The following ZNF705B variants were observed in gnomAD, a reference collection of about 807,000 sequenced individuals.
The protein encoded by ZNF705B is zinc finger protein 705B.
A neutral mutation model predicts 10.5 loss-of-function variants in ZNF705B; 1 was observed. The observed-to-expected ratio is 0.10, with a 90% confidence interval of 0.03 to 0.45. The LOEUF (loss-of-function observed/expected upper bound fraction) is 0.45. Ranked by LOEUF, ZNF705B falls within the 20% of genes least tolerant of loss-of-function variation. The pLI, the probability that ZNF705B is intolerant of heterozygous loss-of-function variation, is 0.97. For synonymous variants in ZNF705B, 4 were observed against 25.4 expected, an observed-to-expected ratio of 0.16 and a Z score of 2.53; for missense variants, 14 against 84.0, an observed-to-expected ratio of 0.17 and a Z score of 3.26.
At chr8:7,934,721 T>TGTGTG (rs1211087723) in intron 2 of ZNF705B, 88 of 108,760 alleles carry the variant, frequency 8.1e-4, no homozygotes, top group South Asian at 3.2e-3. Context: ...TGTGTGTGTG[T>TGTGTG]TATTTGATTT....
chr8:7,927,351 G>C (rs576141684), intron 1 of ZNF705B, among the ~76,000 whole-genome samples: 5 of 121,114 alleles, frequency 4.1e-5, no homozygotes, highest in African/African-American at 1.0e-4. Context: ...GTGATTTCAG[G>C]TATCCAGAAG....
chr8:7,932,709 G>A (rs1420590206), intron 2 of ZNF705B, among the ~76,000 whole-genome samples: 1 of 119,670 alleles, frequency 8.4e-6, no homozygotes, highest in Non-Finnish European at 2.0e-5. Flanking sequence ...ATTTCGAGTA[G>A]TCCATGTGAC....
intron 1 of ZNF705B, among the ~76,000 whole-genome samples, chr8:7,928,908 A>T (rs1819769428): frequency 1.9e-5 from 2 of 107,638 alleles, no homozygotes; most frequent in Admixed American, 2.4e-4. Flanking sequence ...GAGTACAAAA[A>T]GGAATACAGA....
chr8:7,927,381 T>A (rs1159841042), intron 1 of ZNF705B, among the ~76,000 whole-genome samples: 1 of 121,406 alleles, frequency 8.2e-6, no homozygotes, highest in East Asian at 2.3e-4. Context: ...AAGTTCCTCT[T>A]ACAGGTTAGG....
intron 1 of ZNF705B, among the ~76,000 whole-genome samples, chr8:7,928,008 T>C (rs1158023228): frequency 2.2e-5 from 3 of 135,394 alleles, no homozygotes; most frequent in Non-Finnish European, 3.4e-5. Flanking sequence ...TGGGATGCTA[T>C]TAAAAAGTAA....
chr8:7,931,814 G>A (rs1267639074), intron 2 of ZNF705B, among the ~76,000 whole-genome samples: 1 of 130,378 alleles, frequency 7.7e-6, no homozygotes, highest in Non-Finnish European at 1.8e-5. Context: ...CCTAGTGAAT[G>A]GCACTGCCAG....
rs1483447423 is a variant in ZNF705B, at chr8:7,930,267, G to C, written c.-221-20G>C. The C allele has an allele frequency of 1.8e-5, 2 of 110,366 alleles. No individual in the cohort carries two copies. The highest frequency in any genetic ancestry group is 4.3e-5 in the Non-Finnish European group (2 of 46,478). 6.8% of individuals were successfully genotyped at this position (110,366 alleles called of 1,614,324 possible). A position where few individuals can be genotyped will look rare whatever the true frequency, so the allele number is the denominator to read the frequency against. ...CTATTCCTGTGTTAGTTTCCCAGCT[G>C]AATTCAAACTCATTCCCAGATCACT... On this transcript the variant is annotated intron_variant, in intron 1 of 6. Coordinates refer to ENST00000400120, the MANE Select transcript of ZNF705B (RefSeq NM_001193630.1).
At chr8:7,931,131 G>A (rs1289527234) in intron 2 of ZNF705B, among the ~76,000 whole-genome samples, 1 of 121,214 alleles carries the variant, frequency 8.2e-6, no homozygotes, top group African/African-American at 2.5e-5. Context: ...AGGATTACAG[G>A]TGTGAGTCAG....
rs1264945184 is a variant in ZNF705B at position 7,936,774 on chromosome 8, C to T, written c.-72+6338C>T. Among the ~76,000 whole-genome samples the T allele has an allele frequency of 3.6e-4, 43 of 120,196 alleles. 4 individuals are homozygous for T. The highest frequency in any genetic ancestry group is 7.5e-4 in the Non-Finnish European group (38 of 50,440). The allele number at this position is 120,196 out of a possible 152,430, so 78.9% of individuals were successfully genotyped here. A position where few individuals can be genotyped will look rare whatever the true frequency, so the allele number is the denominator to read the frequency against. ...AAAGCTACTCTTTGGGTACACCCTA[C>T]CTGTGTGACAGAGTTATTCATACCC... On this transcript the variant is annotated intron_variant, in intron 2 of 6. Transcript: ENST00000400120.
intron 2 of ZNF705B, among the ~76,000 whole-genome samples, chr8:7,931,801 C>G (rs2128942018): frequency 7.6e-6 from 1 of 131,034 alleles, no homozygotes; most frequent in East Asian, 2.3e-4. Flanking sequence ...TGGGGGCAGC[C>G]TCCCTAGTGA....
At chr8:7,935,863 C>T (rs2698894) in intron 2 of ZNF705B, among the ~76,000 whole-genome samples, 10,710 of 61,346 alleles carry the variant, frequency 0.17, 735 homozygotes, top group Middle Eastern at 0.44. Flanking sequence ...TCAGCTATTA[C>T]GTATAGTAGT....
chr8:7,941,403 C>T (rs1398338486), intron 2 of ZNF705B, among the ~76,000 whole-genome samples: 1 of 100,746 alleles, frequency 9.9e-6, no homozygotes, highest in African/African-American at 2.9e-5. Flanking sequence ...CTGAAATGGA[C>T]ATAGTAATTT....
At position 7,940,343 on chromosome 8, in the gene ZNF705B, G is replaced by C. The variant is rs868823582; in HGVS notation, c.-71-7008G>C. On this transcript the variant is annotated intron_variant, in intron 2 of 6. Transcript: ENST00000400120. Reference sequence around the variant, plus strand: ...TACATCTCAGTGAGCTTGGGGATAAGTATACACCATGAACACATCACTACC... The same window carrying C: ...TACATCTCAGTGAGCTTGGGGATAACTATACACCATGAACACATCACTACC... Among the ~76,000 whole-genome samples, 1,165 of 145,968 alleles carry C rather than the reference G, an allele frequency of 8.0e-3. 16 individuals are homozygous for C. Among genetic ancestry groups the C allele is most frequent in the African/African-American group, 0.027 (1,039 of 38,612 alleles).
chr8:7,936,813 C>A (rs1212013041), intron 2 of ZNF705B, among the ~76,000 whole-genome samples: 3 of 120,070 alleles, frequency 2.5e-5, no homozygotes, highest in African/African-American at 7.7e-5. Flanking sequence ...ACCTCAATAT[C>A]ACACAATATA....
Position 7,928,245 on chromosome 8 carries a change from G to T in ZNF705B, c.-222+1848G>T, listed in dbSNP as rs1446363236. On this transcript the variant is annotated intron_variant, in intron 1 of 6. Transcript: ENST00000400120. ...CGACTTAATCACCTCCTCAAAGCCC[G>T]CACCTTGTAATATCGTCACCACCTT... Among the ~76,000 whole-genome samples, 14 of 115,726 alleles carry T rather than the reference G, an allele frequency of 1.2e-4. 2 individuals carry two copies. Among genetic ancestry groups the T allele is most frequent in the Admixed American group, 5.2e-4 (5 of 9,584 alleles). The allele number at this position is 115,726 out of a possible 152,430, so 75.9% of individuals were successfully genotyped here.
At chr8:7,926,447 T>A (rs1298569439) in intron 1 of ZNF705B, 50 bp downstream of exon 1, 1 of 118,516 alleles carries the variant, frequency 8.4e-6, no homozygotes, top group Non-Finnish European at 2.0e-5. Context: ...TGGGAGGCAA[T>A]AAAGAGGCTT....
Position 7,933,929 on chromosome 8 carries a change from C to CTTTTTTTTTTTTTTTT in ZNF705B, c.-72+3507_-72+3522dup, listed in dbSNP as rs1162997944. Reference sequence around the variant, plus strand: ...ATCAAGTCATAACATGTAATATAAACTTTTTTTTTTTTTTTTTTTTTTTTT... The same window carrying CTTTTTTTTTTTTTTTT: ...ATCAAGTCATAACATGTAATATAAACTTTTTTTTTTTTTTTTTTTTTTTTTTTTTTTTTTTTTTTTT... On this transcript the variant is annotated intron_variant, in intron 2 of 6. Coordinates refer to ENST00000400120, the MANE Select transcript of ZNF705B (RefSeq NM_001193630.1). Among the ~76,000 whole-genome samples the CTTTTTTTTTTTTTTTT allele has an allele frequency of 7.5e-4, 22 of 29,368 alleles. 1 individual carries two copies. Among genetic ancestry groups the CTTTTTTTTTTTTTTTT allele is most frequent in the South Asian group, 3.1e-3 (1 of 320 alleles). The allele number at this position is 29,368 out of a possible 152,430, so 19.3% of individuals were successfully genotyped here.
At chr8:7,931,146 C>A (rs1819836634) in intron 2 of ZNF705B, among the ~76,000 whole-genome samples, 3 of 121,318 alleles carry the variant, frequency 2.5e-5, no homozygotes, top group Admixed American at 9.3e-5. Context: ...AGTCAGGTGG[C>A]TTTCTCAAGT....
intron 1 of ZNF705B, among the ~76,000 whole-genome samples, chr8:7,927,730 A>T (rs1447953809): frequency 3.4e-5 from 5 of 146,700 alleles, no homozygotes; most frequent in Non-Finnish European, 7.6e-5. Flanking sequence ...AAAGTTTTGA[A>T]ACCAGGGTTA....
Sources: gnomAD v4.1 joint callset for allele counts (sites outside exome capture counted in the v4.1 genomes callset) on GRCh38, gnomAD v4.1.1 for gene constraint, MANE v1.5 for transcripts, NCBI Gene and HGNC (gene_info 2026-07-23, HGNC 2026-07-21) for gene names.